The following MRAS variants were observed in gnomAD, a reference collection of about 807,000 sequenced individuals.
MRAS encodes the protein ras-related protein M-Ras.
A neutral mutation model predicts 20.9 loss-of-function variants in MRAS; 4 were observed. The ratio of observed to expected loss-of-function variants is 0.19; its 90% CI spans 0.09 to 0.44. The LOEUF (loss-of-function observed/expected upper bound fraction) is 0.44, where lower values mean the gene tolerates loss of function less well. Ranked by LOEUF, MRAS falls within the 20% of genes least tolerant of loss-of-function variation. The pLI, the probability that MRAS is intolerant of heterozygous loss-of-function variation, is 0.99. For synonymous variants in MRAS, 98 were observed against 102.9 expected, an observed-to-expected ratio of 0.95 and a Z score of 0.29; for missense variants, 154 against 277.5, an observed-to-expected ratio of 0.56 and a Z score of 3.16.
At chr3:138,374,830 A>G (rs2054750194) in intron 2 of MRAS, among the ~76,000 whole-genome samples, 1 of 152,188 alleles carries the variant, frequency 6.6e-6, no homozygotes, top group Admixed American at 6.5e-5. Flanking sequence ...GTCTACTGAG[A>G]TAACCAAATG....
chr3:138,388,604 C>T (rs894093979), intron 2 of MRAS, among the ~76,000 whole-genome samples: 1 of 152,006 alleles, frequency 6.6e-6, no homozygotes, highest in African/African-American at 2.4e-5. Flanking sequence ...GAGGCTGAGG[C>T]ATGAGAATCA....
chr3:138,402,387 G>T lies in MRAS; in HGVS notation c.*118G>T. ...CCCTTGGCCCAAGGACTTGGTACAGGAAGGGAGAAGGGCAGGTGGGCAGGG... is the reference window on the plus strand; with the variant it reads ...CCCTTGGCCCAAGGACTTGGTACAGTAAGGGAGAAGGGCAGGTGGGCAGGG... On this transcript the variant is annotated 3_prime_UTR_variant, in exon 6 of 6. Transcript: ENST00000423968. 1 of 860,492 alleles carries T rather than the reference G, an allele frequency of 1.2e-6. No homozygotes were observed. The highest frequency in any genetic ancestry group is 1.8e-6 in the Non-Finnish European group (1 of 549,442). 53.3% of individuals were successfully genotyped at this position (860,492 alleles called of 1,614,324 possible).
At chr3:138,382,338 G>C (rs74889986) in intron 2 of MRAS, among the ~76,000 whole-genome samples, 193 of 152,364 alleles carry the variant, frequency 1.3e-3, no homozygotes, top group Non-Finnish European at 2.3e-3. Context: ...GGTGGTAGCA[G>C]TTACTACCAA....
rs1445511346 is a variant in MRAS at position 138,383,781 on chromosome 3, G to T, written c.193+10705G>T. The stretch of plus-strand genomic sequence containing the variant: ...GGCAAATCAAAGCCCCTGCTCTCAT[G>T]AAGCTTATATTTTAGTGGGGTGAGG... On this transcript the variant is annotated intron_variant, in intron 2 of 5. Transcript: ENST00000423968. 2.6e-5 allele frequency among the ~76,000 whole-genome samples: 4 copies of T among 152,334 alleles called. No homozygotes were observed. In the East Asian group the frequency reaches 5.8e-4, roughly 22 times the overall value.
rs201153473 is a variant in MRAS at position 138,402,290 on chromosome 3, C to T, written c.*21C>T. On this transcript the variant is annotated 3_prime_UTR_variant, in exon 6 of 6. Transcript: ENST00000423968. ...TGTGACAGGCCTGAGGCCCTGGGCACAGTGACGGTGGCCTGGCCAGCCCTC... is the reference window on the plus strand; with the variant it reads ...TGTGACAGGCCTGAGGCCCTGGGCATAGTGACGGTGGCCTGGCCAGCCCTC... 507 of 1,607,632 alleles carry T rather than the reference C, an allele frequency of 3.2e-4. 2 individuals are homozygous for T. In the African/African-American group the frequency reaches 6.0e-3, roughly 19 times the overall value.
chr3:138,393,756 C>A (rs2055176871), intron 2 of MRAS, among the ~76,000 whole-genome samples: 1 of 151,952 alleles, frequency 6.6e-6, no homozygotes, highest in Non-Finnish European at 1.5e-5. Context: ...ATGGCGTGAT[C>A]TTGGCTCACT....
At chr3:138,384,195 A>C (rs1399051299) in intron 2 of MRAS, among the ~76,000 whole-genome samples, 1 of 152,056 alleles carries the variant, frequency 6.6e-6, no homozygotes, top group African/African-American at 2.4e-5. Context: ...GATTTTGAGC[A>C]GAGGAAGGAC....
chr3:138,379,099 A>G (rs1313880387), intron 2 of MRAS, among the ~76,000 whole-genome samples: 1 of 152,120 alleles, frequency 6.6e-6, no homozygotes, highest in Non-Finnish European at 1.5e-5. Context: ...TAATTTCCCT[A>G]CTGTGCTATC....
At chr3:138,359,159 A>G (rs960717224) in intron 1 of MRAS, among the ~76,000 whole-genome samples, 7 of 152,186 alleles carry the variant, frequency 4.6e-5, no homozygotes, top group Non-Finnish European at 7.4e-5. Flanking sequence ...CTGAGGAGAA[A>G]AAATGCAGCA....
At chr3:138,387,112 G>T in intron 2 of MRAS, among the ~76,000 whole-genome samples, 1 of 152,192 alleles carries the variant, frequency 6.6e-6, no homozygotes, top group Non-Finnish European at 1.5e-5. Context: ...TGCAAGCTTG[G>T]CAAAAGAGGT....
chr3:138,363,237 A>G (rs2054487725), intron 1 of MRAS, among the ~76,000 whole-genome samples: 1 of 151,578 alleles, frequency 6.6e-6, no homozygotes, highest in South Asian at 2.1e-4. Flanking sequence ...TAATTTTTGT[A>G]TTTTTATTAG....
chr3:138,375,545 T>C (rs1405755283), intron 2 of MRAS, among the ~76,000 whole-genome samples: 1 of 152,224 alleles, frequency 6.6e-6, no homozygotes, highest in Non-Finnish European at 1.5e-5. Context: ...GGTCTCGCTC[T>C]GTTACCCAGG....
Position 138,348,623 on chromosome 3 carries a change from C to G in MRAS, c.-163C>G, listed in dbSNP as rs1238538259. 2.0e-5 allele frequency: 3 copies of G among 151,786 alleles called. No individual in the cohort carries two copies. The highest frequency in any genetic ancestry group is 4.4e-5 in the Non-Finnish European group (3 of 67,986). 9.4% of individuals were successfully genotyped at this position (151,786 alleles called of 1,614,324 possible). On this transcript the variant is annotated 5_prime_UTR_variant, in exon 1 of 6. Transcript: ENST00000423968. ...CGGTCGCTTTAAGGAGGCGCCGGGG[C>G]GGGGACGGACCGGAGTGGCCGGCTG...
At chr3:138,364,832 C>T (rs1200080955) in intron 1 of MRAS, among the ~76,000 whole-genome samples, 3 of 152,224 alleles carry the variant, frequency 2.0e-5, no homozygotes, top group Non-Finnish European at 4.4e-5. Context: ...GGTTGCCCCT[C>T]AAGCTCTGAC....
intron 1 of MRAS, among the ~76,000 whole-genome samples, chr3:138,368,703 A>G (rs1165298311): frequency 2.0e-5 from 3 of 152,122 alleles, no homozygotes; most frequent in Admixed American, 6.5e-5. Flanking sequence ...GGTGTTGTGA[A>G]TGTCAGCAGT....
At chr3:138,382,731 G>A (rs1025731465) in intron 2 of MRAS, among the ~76,000 whole-genome samples, 6 of 152,186 alleles carry the variant, frequency 3.9e-5, no homozygotes, top group Non-Finnish European at 8.8e-5. Context: ...GCCTGGGCTC[G>A]TTCCAGATTT....
intron 1 of MRAS, among the ~76,000 whole-genome samples, chr3:138,360,441 C>T (rs989225981): frequency 2.0e-5 from 3 of 152,210 alleles, no homozygotes; most frequent in African/African-American, 7.2e-5. Flanking sequence ...TAGCTGTACT[C>T]TGGGGGCTGG....
At chr3:138,362,634 C>T (rs189746610) in intron 1 of MRAS, among the ~76,000 whole-genome samples, 4 of 152,308 alleles carry the variant, frequency 2.6e-5, no homozygotes, top group Admixed American at 1.3e-4. Flanking sequence ...CTACATTGTA[C>T]TCCCGTATGG....
At chr3:138,351,968 A>G (rs989907130) in intron 1 of MRAS, among the ~76,000 whole-genome samples, 9 of 152,308 alleles carry the variant, frequency 5.9e-5, no homozygotes, top group Admixed American at 5.2e-4. Context: ...TCTAATGTTC[A>G]TGGCAGACCT....
Sources: gnomAD v4.1 joint callset for allele counts (sites outside exome capture counted in the v4.1 genomes callset) on GRCh38, gnomAD v4.1.1 for gene constraint, MANE v1.5 for transcripts, NCBI Gene and HGNC (gene_info 2026-07-23, HGNC 2026-07-21) for gene names.